SEMA4D: variants seen among roughly 807,000 people sequenced by gnomAD.
SEMA4D encodes the protein semaphorin 4D.
A neutral mutation model predicts 74.8 loss-of-function variants in SEMA4D; 22 were observed. The observed-to-expected ratio is 0.29, with a 90% CI of 0.21 to 0.42. The LOEUF (loss-of-function observed/expected upper bound fraction) is 0.42, where lower values mean the gene tolerates loss of function less well. SEMA4D is among the 10% of genes least tolerant of loss of function. The pLI, the probability that SEMA4D is intolerant of heterozygous loss-of-function variation, is 1.00. For missense variants in SEMA4D, 937 were observed against 1,118.4 expected (o/e 0.84, Z 2.31); for synonymous variants, 445 against 463.7 (o/e 0.96, Z 0.52).
At chr9:89,461,700 C>CTTTTTTTTTTTTTTTTTTTT (rs61696689) in intron 1 of SEMA4D, among the ~76,000 whole-genome samples, 3 of 103,646 alleles carry the variant, frequency 2.9e-5, no homozygotes, top group South Asian at 3.8e-4. Flanking sequence ...TCTTTTTTCT[C>CTTTTTTTTTTTTTTTTTTTT]TTTTTTTTTT....
At chr9:89,458,479 C>T (rs985088067) in intron 1 of SEMA4D, among the ~76,000 whole-genome samples, 2 of 152,078 alleles carry the variant, frequency 1.3e-5, no homozygotes, top group Non-Finnish European at 2.9e-5. Flanking sequence ...TAAAAGACTG[C>T]CTGCCACACA....
chr9:89,424,134 C>T (rs528836135), intron 2 of SEMA4D, among the ~76,000 whole-genome samples: 163 of 152,276 alleles, frequency 1.1e-3, no homozygotes, highest in Non-Finnish European at 1.8e-3. Flanking sequence ...TCCACTACTC[C>T]CTCAGCACCT....
intron 2 of SEMA4D, among the ~76,000 whole-genome samples, chr9:89,432,424 C>T (rs1303752680): frequency 6.6e-6 from 1 of 152,118 alleles, no homozygotes; most frequent in Non-Finnish European, 1.5e-5. Context: ...CTAAAACTGC[C>T]TGAGGCTAGT....
At chr9:89,397,403 A>G (rs1270480739) in intron 5 of SEMA4D, among the ~76,000 whole-genome samples, 1 of 152,190 alleles carries the variant, frequency 6.6e-6, no homozygotes, top group South Asian at 2.1e-4. Flanking sequence ...AACTAGGAAC[A>G]GCGACACTAG....
chr9:89,405,956 A>G (rs4483252), intron 2 of SEMA4D: 1,125,693 of 1,133,046 alleles, frequency 0.99, 559,459 homozygotes, highest in Non-Finnish European at 1. Context: ...ACACATGGAG[A>G]GGACCTGGTG....
intron 1 of SEMA4D, among the ~76,000 whole-genome samples, chr9:89,495,016 C>A (rs1825899121): frequency 6.6e-6 from 1 of 152,188 alleles, no homozygotes; most frequent in South Asian, 2.1e-4. Context: ...CAGCCTGGAT[C>A]AGGCTTTGAT....
intron 13 of SEMA4D, chr9:89,384,541 G>A (rs1217047648): frequency 2.8e-5 from 14 of 508,546 alleles, no homozygotes; most frequent in Non-Finnish European, 3.3e-5. Context: ...AAGATGAAAA[G>A]CACCCTGCAG....
intron 2 of SEMA4D, among the ~76,000 whole-genome samples, chr9:89,453,857 CTT>C (rs11300976): frequency 0.059 from 7,561 of 127,912 alleles, 324 homozygotes; most frequent in East Asian, 0.28. Context: ...GAATATATGT[CTT>C]TTTTTTTTTT....
At chr9:89,482,108 G>C (rs925168163) in intron 1 of SEMA4D, among the ~76,000 whole-genome samples, 1 of 152,190 alleles carries the variant, frequency 6.6e-6, no homozygotes, top group Non-Finnish European at 1.5e-5. Context: ...CGACCCAGCT[G>C]CTCTAAGAAG....
At chr9:89,408,036 A>G (rs959501436) in intron 2 of SEMA4D, among the ~76,000 whole-genome samples, 5 of 152,254 alleles carry the variant, frequency 3.3e-5, no homozygotes, top group African/African-American at 4.8e-5. Flanking sequence ...AATAAATTAT[A>G]GGTTCAGATC....
At chr9:89,414,046 T>C (rs1326353285) in intron 2 of SEMA4D, among the ~76,000 whole-genome samples, 1 of 152,228 alleles carries the variant, frequency 6.6e-6, no homozygotes, top group African/African-American at 2.4e-5. Flanking sequence ...ATCTGGGGAC[T>C]GTCCAGTCAC....
At position 89,405,447 on chromosome 9, in the gene SEMA4D, A is replaced by C. The variant is rs1355384700; in HGVS notation, c.10T>G (p.Cys4Gly). 3.7e-6 allele frequency: 6 copies of C among 1,613,796 alleles called. No individual in the cohort carries two copies. The South Asian group carries it at 6.6e-5, about 18-fold the overall frequency. MRM[C>G]TPIRGLLMAL... is the part of the protein sequence containing the mutation. ...ATGAGCAGCCCCCTAATGGGGGTGC[A>C]CATCCTCATCAGGTAGAGGCGACCC... is the stretch of plus-strand genomic sequence containing the variant. The change falls in exon 3 of 16, where the codon TGC becomes GGC. Residue 4 changes from cysteine to glycine, a missense_variant. By Grantham distance (159) the Cys-to-Gly change is radical (BLOSUM62 -3). Coordinates refer to ENST00000422704, the MANE Select transcript of SEMA4D (RefSeq NM_001371194.2).
At chr9:89,474,671 C>A (rs569492179) in intron 1 of SEMA4D, among the ~76,000 whole-genome samples, 1 of 152,312 alleles carries the variant, frequency 6.6e-6, no homozygotes, top group South Asian at 2.1e-4. Context: ...CCACTCTCCC[C>A]CAAGCTACAG....
intron 5 of SEMA4D, among the ~76,000 whole-genome samples, chr9:89,398,536 C>G (rs1427484068): frequency 6.6e-6 from 1 of 152,182 alleles, no homozygotes; most frequent in African/African-American, 2.4e-5. Context: ...GTGTGTGTAC[C>G]CAAAAAAGGC....
chr9:89,422,121 T>G (rs4877087), intron 2 of SEMA4D, among the ~76,000 whole-genome samples: 124,899 of 152,220 alleles, frequency 0.82, 51,684 homozygotes, highest in African/African-American at 0.93. Context: ...ATAACGCTGG[T>G]TAAAGTAAGA....
chr9:89,456,781 G>A (rs1049241880), intron 1 of SEMA4D, among the ~76,000 whole-genome samples: 1 of 152,066 alleles, frequency 6.6e-6, no homozygotes, highest in African/African-American at 2.4e-5. Flanking sequence ...GTAGAGACGG[G>A]GTTTCACCAT....
Position 89,484,731 on chromosome 9 carries a change from G to A in SEMA4D, c.-310+13188C>T, listed in dbSNP as rs1454726992. On this transcript the variant is annotated intron_variant, in intron 1 of 15. Transcript: ENST00000422704. This position sits in a 1 kb window ranked among gnomAD's most constrained non-coding sequence, Gnocchi z 4.1. ...GGTGTATGGATGTGTTGTGTGTTAT[G>A]TGTGTGTGGTGTGGCAGGTATGTGT... Among the ~76,000 whole-genome samples the A allele has an allele frequency of 6.6e-6, 1 of 151,320 alleles. No homozygotes were observed. Among genetic ancestry groups the A allele is most frequent in the Non-Finnish European group, 1.5e-5 (1 of 67,800 alleles).
intron 5 of SEMA4D, among the ~76,000 whole-genome samples, chr9:89,397,676 T>C (rs1042447701): frequency 8.5e-5 from 13 of 152,260 alleles, no homozygotes; most frequent in African/African-American, 2.9e-4. Context: ...AAACCGGAGC[T>C]ACACTGCACC....
rs1162592083 is a variant in SEMA4D at position 89,387,401 on chromosome 9, T to A, written c.1315A>T (p.Met439Leu). 2 of 1,610,442 alleles carry A rather than the reference T, an allele frequency of 1.2e-6. No individual in the cohort carries two copies. The highest frequency in any genetic ancestry group is 1.1e-5 in the South Asian group (1 of 91,012). Residue 439 changes from methionine to leucine, a missense_variant, in exon 12 of 16, where the codon ATG (methionine) becomes TTG (leucine). By Grantham distance (15) the Met-to-Leu change is conservative (BLOSUM62 2). Coordinates refer to ENST00000422704, the MANE Select transcript of SEMA4D (RefSeq NM_001371194.2). ...CGGAACCCACCTGTGCTGACAAACATGACATCATAGACAGTCCCATCCAGG... is the reference window on the plus strand; with the variant it reads ...CGGAACCCACCTGTGCTGACAAACAAGACATCATAGACAGTCCCATCCAGG... The part of the protein sequence containing the change: ...QALDGTVYDV[M>L]FVSTDRGALH...
Sources: gnomAD v4.1 joint callset for allele counts (sites outside exome capture counted in the v4.1 genomes callset) on GRCh38, gnomAD v4.1.1 for gene constraint, Gnocchi (gnomAD v3.1) non-coding constraint, MANE v1.5 for transcripts, NCBI Gene and HGNC (gene_info 2026-07-23, HGNC 2026-07-21) for gene names.